MVB12B: variants seen among roughly 807,000 people sequenced by gnomAD.
MVB12B encodes the protein ESCRT-I complex subunit MVB12B.
In MVB12B, 16 loss-of-function variants were observed where a neutral mutation model predicts 41.6. The observed-to-expected ratio is 0.38, with a 90% CI of 0.26 to 0.58. The LOEUF is 0.58. Ranked by LOEUF, MVB12B falls within the 20% of genes least tolerant of loss-of-function variation. The pLI is 0.62. For synonymous variants in MVB12B, 133 were observed against 139.7 expected (o/e 0.95, Z 0.34); for missense variants, 274 against 380.2 (o/e 0.72, Z 2.32).
intron 2 of MVB12B, among the ~76,000 whole-genome samples, chr9:126,366,409 G>A (rs962290159): frequency 2.7e-5 from 4 of 150,858 alleles, no homozygotes; most frequent in African/African-American, 7.3e-5. Context: ...TGTAGAAGAT[G>A]TTAAAAAGCA....
chr9:126,419,060 CTT>C (rs995753832), intron 6 of MVB12B, among the ~76,000 whole-genome samples: 6 of 152,198 alleles, frequency 3.9e-5, no homozygotes, highest in Admixed American at 3.3e-4. Context: ...TGGCTGGCCT[CTT>C]TGCCATCATC....
At chr9:126,373,133 C>G (rs188920009) in intron 2 of MVB12B, among the ~76,000 whole-genome samples, 2 of 152,142 alleles carry the variant, frequency 1.3e-5, no homozygotes, top group African/African-American at 4.8e-5. Flanking sequence ...TTTTTCATTT[C>G]TTTTGCTAAA....
intron 7 of MVB12B, among the ~76,000 whole-genome samples, chr9:126,456,080 G>A (rs370047929): frequency 1.1e-3 from 170 of 151,964 alleles, no homozygotes; most frequent in African/African-American, 3.7e-3. Flanking sequence ...AGTAGAGACG[G>A]GGTTTCACCA....
chr9:126,354,117 CT>C (rs1465689617), intron 2 of MVB12B, among the ~76,000 whole-genome samples: 1 of 152,172 alleles, frequency 6.6e-6, no homozygotes, highest in Admixed American at 6.5e-5. Flanking sequence ...GTTTCTTGGC[CT>C]TTTGCATTTG....
rs150460456 is a variant in MVB12B at position 126,415,290 on chromosome 9, G to A, written c.663-6564G>A. 1.6e-3 allele frequency among the ~76,000 whole-genome samples: 250 copies of A among 152,276 alleles called. 1 individual carries two copies. Among genetic ancestry groups the A allele is most frequent in the African/African-American group, 4.5e-3 (185 of 41,550 alleles). On this transcript the variant is annotated intron_variant, in intron 6 of 9. Coordinates refer to ENST00000361171, the MANE Select transcript of MVB12B (RefSeq NM_033446.3). ...AAAGAGTATTGGGTTAACTGACCAC[G>A]ATTCCAAGCATGAAAATAAGGACTT... is the stretch of plus-strand genomic sequence containing the variant.
In MVB12B at chr9:126,421,268, C is replaced by G. The variant is rs1588159143; in HGVS notation, c.663-586C>G. On this transcript the variant is annotated intron_variant, in intron 6 of 9. Transcript: ENST00000361171. ...GTCTGGAAGGTGCTTTCCTGAGCAC[C>G]TACTGTGTGCGCTGCCTGAGGGGGA... 2.0e-5 allele frequency among the ~76,000 whole-genome samples: 3 copies of G among 152,198 alleles called. No homozygotes were observed. In the East Asian group the frequency reaches 5.8e-4, roughly 29 times the overall value.
At chr9:126,442,961 A>G (rs543086065) in intron 7 of MVB12B, among the ~76,000 whole-genome samples, 36 of 152,350 alleles carry the variant, frequency 2.4e-4, no homozygotes, top group African/African-American at 7.5e-4. Flanking sequence ...CTGTAAAAAT[A>G]TAAAGTCAGT....
chr9:126,433,944 T>C (rs1454104092), intron 7 of MVB12B, among the ~76,000 whole-genome samples: 2 of 152,180 alleles, frequency 1.3e-5, no homozygotes, highest in Non-Finnish European at 2.9e-5. Flanking sequence ...GATGGATACA[T>C]GCGGTGCCAG....
rs77601283 is a variant in MVB12B, at chr9:126,444,910, G to A, written c.757+22962G>A. On this transcript the variant is annotated intron_variant, in intron 7 of 9. Coordinates refer to ENST00000361171, the MANE Select transcript of MVB12B (RefSeq NM_033446.3). ...TGATGTATTTTGTGGCCTGTGTTGT[G>A]TTCCATTGAGTTGAATGCATATTCC... Among the ~76,000 whole-genome samples, 545 of 152,214 alleles carry A rather than the reference G, an allele frequency of 3.6e-3. 8 individuals are homozygous for A. In the East Asian group the frequency reaches 0.044, roughly 12 times the overall value.
In MVB12B at chr9:126,352,312, T is replaced by C. The variant is rs1829773845; in HGVS notation, c.204+11682T>C. Among the ~76,000 whole-genome samples the C allele has an allele frequency of 2.0e-5, 3 of 152,324 alleles. No homozygotes were observed. In the South Asian group the frequency reaches 6.2e-4, roughly 32 times the overall value. On this transcript the variant is annotated intron_variant, in intron 2 of 9. Coordinates refer to ENST00000361171, the MANE Select transcript of MVB12B (RefSeq NM_033446.3). ...GACAGTGTAGAATTAGTATTAATTA[T>C]TTTTTAGATGTTTAGATGTGGAAGT... is the stretch of plus-strand genomic sequence containing the variant.
At chr9:126,454,873 G>A (rs1832950342) in intron 7 of MVB12B, among the ~76,000 whole-genome samples, 2 of 151,786 alleles carry the variant, frequency 1.3e-5, no homozygotes, top group Non-Finnish European at 2.9e-5. Flanking sequence ...ACACACCACA[G>A]AGATGCACGT....
chr9:126,493,351 T>G (rs7039136), intron 9 of MVB12B, among the ~76,000 whole-genome samples: 37,313 of 152,092 alleles, frequency 0.25, 5,314 homozygotes, highest in African/African-American at 0.4. Context: ...TTTTATCATA[T>G]GTAAGTGGAT....
At chr9:126,467,650 G>C (rs2119185472) in intron 7 of MVB12B, among the ~76,000 whole-genome samples, 1 of 152,284 alleles carries the variant, frequency 6.6e-6, no homozygotes, top group East Asian at 1.9e-4. Flanking sequence ...GTATGGACTA[G>C]GGTATTCTTA....
intron 2 of MVB12B, among the ~76,000 whole-genome samples, chr9:126,378,242 A>G (rs1347998041): frequency 6.6e-6 from 1 of 152,220 alleles, no homozygotes; most frequent in Non-Finnish European, 1.5e-5. Flanking sequence ...GCCTTGAGTC[A>G]GTGGTGGAGG....
chr9:126,382,952 A>G (rs1421888513), intron 3 of MVB12B, among the ~76,000 whole-genome samples: 5 of 152,186 alleles, frequency 3.3e-5, no homozygotes, highest in African/African-American at 1.2e-4. Context: ...GGGATGTAAG[A>G]AGAGGACAAG....
intron 9 of MVB12B, among the ~76,000 whole-genome samples, chr9:126,493,705 C>T (rs1182947149): frequency 2.0e-5 from 3 of 152,238 alleles, no homozygotes; most frequent in Non-Finnish European, 4.4e-5. Flanking sequence ...GGTCCTTTCT[C>T]TTTAGGTCAT....
chr9:126,378,545 A>G (rs1199567077), intron 2 of MVB12B, among the ~76,000 whole-genome samples: 1 of 152,072 alleles, frequency 6.6e-6, no homozygotes, highest in African/African-American at 2.4e-5. Flanking sequence ...CTCCAGGACC[A>G]TTCCAGAGCC....
chr9:126,440,450 G>A (rs969592119), intron 7 of MVB12B, among the ~76,000 whole-genome samples: 14 of 152,138 alleles, frequency 9.2e-5, no homozygotes, highest in South Asian at 4.1e-4. Context: ...CCTCTGCCAC[G>A]AGTGAACTGT....
rs1052232105 is a variant in MVB12B at position 126,505,552 on chromosome 9, A to G, written c.*2289A>G. On this transcript the variant is annotated 3_prime_UTR_variant, in exon 10 of 10. Coordinates refer to ENST00000361171, the MANE Select transcript of MVB12B (RefSeq NM_033446.3). ...AAACGGCAGCTTAAGATAAGTAAGC[A>G]GAGACAGTGTTAAGGACGAGTTGGT... 2 of 152,256 alleles carry G rather than the reference A, an allele frequency of 1.3e-5. No homozygotes were observed. The highest frequency in any genetic ancestry group is 2.4e-5 in the African/African-American group (1 of 41,458). 9.4% of individuals were successfully genotyped at this position (152,256 alleles called of 1,614,324 possible). A position where few individuals can be genotyped will look rare whatever the true frequency, so the allele number is the denominator to read the frequency against.
Sources: gnomAD v4.1 joint callset for allele counts (sites outside exome capture counted in the v4.1 genomes callset) on GRCh38, gnomAD v4.1.1 for gene constraint, MANE v1.5 for transcripts, NCBI Gene and HGNC (gene_info 2026-07-23, HGNC 2026-07-21) for gene names.